C1orf141: variants seen among roughly 807,000 people sequenced by gnomAD.
C1orf141 encodes the protein uncharacterized protein C1orf141.
Under a neutral mutation model 23.2 loss-of-function variants are expected in C1orf141, and 19 were observed. The ratio of observed to expected loss-of-function variants is 0.82; its 90% CI spans 0.57 to 1.20. The LOEUF is 1.20. Among genes scored for constraint, C1orf141 ranks in the 50% most tolerant of loss-of-function variants. The pLI is 0.00. For synonymous variants in C1orf141, 153 were observed against 154.6 expected (o/e 0.99, Z 0.08); for missense variants, 469 against 455.1 (o/e 1.03, Z -0.28).
chr1:67,116,870 T>C (rs550935154), intron 4 of C1orf141, among the ~76,000 whole-genome samples: 1 of 152,228 alleles, frequency 6.6e-6, no homozygotes. Context: ...GAAAGAACTT[T>C]CCAGCCCACC....
At chr1:67,111,564 A>G in intron 5 of C1orf141, 1 of 1,151,324 alleles carries the variant, frequency 8.7e-7, no homozygotes, top group Non-Finnish European at 1.2e-6. Context: ...CTGAGTATAC[A>G]AATTACACCT....
upstream of C1orf141, among the ~76,000 whole-genome samples, chr1:67,138,025 A>T (rs556638002): frequency 8.5e-5 from 13 of 152,264 alleles, no homozygotes; most frequent in East Asian, 2.5e-3. Flanking sequence ...CTTCCTTAGG[A>T]AAAGCTGCCT....
At chr1:67,124,800 A>G (rs1175705105) in intron 4 of C1orf141, among the ~76,000 whole-genome samples, 1 of 152,204 alleles carries the variant, frequency 6.6e-6, no homozygotes, top group Non-Finnish European at 1.5e-5. Flanking sequence ...ATTCAATAGG[A>G]TGACTGTGAG....
intron 4 of C1orf141, 82 bp downstream of exon 4, chr1:67,125,670 C>T: frequency 1.5e-6 from 2 of 1,329,336 alleles, no homozygotes; most frequent in Non-Finnish European, 2.2e-6. Context: ...CTGCACTCTA[C>T]CCTAGGCAAT....
chr1:67,131,585 G>A (rs1412705498), intron 1 of C1orf141, among the ~76,000 whole-genome samples: 2 of 152,014 alleles, frequency 1.3e-5, no homozygotes, highest in African/African-American at 2.4e-5. Context: ...TCCAGGATCT[G>A]GCTCAGCCCA....
chr1:67,105,408 T>G (rs1645902673), intron 5 of C1orf141, among the ~76,000 whole-genome samples: 1 of 151,856 alleles, frequency 6.6e-6, no homozygotes, highest in Admixed American at 6.6e-5. Context: ...AACATCATCA[T>G]TAATGGTAAT....
chr1:67,138,199 C>T (rs1646602483), upstream of C1orf141, among the ~76,000 whole-genome samples: 1 of 152,196 alleles, frequency 6.6e-6, no homozygotes, highest in Non-Finnish European at 1.5e-5. Flanking sequence ...CAGATTAAAG[C>T]TATCTTTACT....
At position 67,125,843 on chromosome 1, in the gene C1orf141, A is replaced by G. The variant is rs761516127; in HGVS notation, c.142T>C (p.Leu48=). The stretch of plus-strand genomic sequence containing the variant: ...GTAGCAAGAGCTTCTTCAAATTCCA[A>G]CTGAAAATCAAATGTCAGGGGTATA... ...MAIPLTFDFQ[L]EFEEALATSA... is the part of the protein sequence containing the mutation. The change falls in exon 4 of 8, where the codon TTG becomes CTG. Residue 48 remains leucine, a synonymous_variant. Coordinates refer to ENST00000684719, the MANE Select transcript of C1orf141 (RefSeq NM_001276351.2). 2.5e-6 allele frequency: 4 copies of G among 1,613,692 alleles called. No homozygotes were observed. In the Admixed American group the frequency reaches 5.0e-5, roughly 20 times the overall value.
rs1053638916 is a variant in C1orf141 at position 67,121,874 on chromosome 1, T to C, written c.233+3878A>G. ...AGTTGAGGGAACAGGAGTAATCAAATTGCTGACCATACCCCTCTCCATTTC... is the reference window on the plus strand; with the variant it reads ...AGTTGAGGGAACAGGAGTAATCAAACTGCTGACCATACCCCTCTCCATTTC... On this transcript the variant is annotated intron_variant, in intron 4 of 7. Transcript: ENST00000684719. The C allele has an allele frequency of 2.0e-5, 3 of 152,200 alleles. No homozygotes were observed. In the East Asian group the frequency reaches 5.8e-4, roughly 29 times the overall value. The allele number at this position is 152,200 out of a possible 1,614,324, so 9.4% of individuals were successfully genotyped here.
chr1:67,104,631 C>T (rs1041396537), intron 5 of C1orf141, among the ~76,000 whole-genome samples: 2 of 152,086 alleles, frequency 1.3e-5, no homozygotes, highest in African/African-American at 4.8e-5. Context: ...TTGTTTTAAG[C>T]TTTCATGGAA....
chr1:67,096,388 C>T (rs185478703), intron 5 of C1orf141, 67 bp from the exon 6 acceptor site: 2 of 800,768 alleles, frequency 2.5e-6, no homozygotes, highest in Admixed American at 5.6e-5. Flanking sequence ...ATATCTTGCA[C>T]AAAATATTTT....
At chr1:67,138,718 A>G (rs1646606495), upstream of C1orf141, among the ~76,000 whole-genome samples, 1 of 152,174 alleles carries the variant, frequency 6.6e-6, no homozygotes. Flanking sequence ...CTACCTTGTA[A>G]CTTAATGGGA....
rs776667665 is a variant in C1orf141 at position 67,096,211 on chromosome 1, A to G, written c.416+41T>C. 19 of 967,096 alleles carry G rather than the reference A, an allele frequency of 2.0e-5. No individual in the cohort carries two copies. The South Asian group carries it at 2.8e-4, about 14-fold the overall frequency. The allele number at this position is 967,096 out of a possible 1,614,324, so 59.9% of individuals were successfully genotyped here. A position where few individuals can be genotyped will look rare whatever the true frequency, so the allele number is the denominator to read the frequency against. ...TAAAATGTGTCCTACTAGAAACATC[A>G]TTAAACAGAACAAAGTATTAAGCAT... On this transcript the variant is annotated intron_variant, in intron 6 of 7. Coordinates refer to ENST00000684719, the MANE Select transcript of C1orf141 (RefSeq NM_001276351.2).
chr1:67,101,411 A>G (rs181164500), intron 5 of C1orf141, among the ~76,000 whole-genome samples: 84 of 149,672 alleles, frequency 5.6e-4, no homozygotes, highest in African/African-American at 1.9e-3. Flanking sequence ...CTGACCTATC[A>G]TTGGTAACAA....
At chr1:67,133,038 A>G (rs1038076055) in intron 1 of C1orf141, among the ~76,000 whole-genome samples, 1 of 152,256 alleles carries the variant, frequency 6.6e-6, no homozygotes, top group Non-Finnish European at 1.5e-5. Context: ...GGTCAATATT[A>G]TTAGCATATC....
At chr1:67,116,230 C>A (rs1304869341) in intron 4 of C1orf141, among the ~76,000 whole-genome samples, 1 of 152,186 alleles carries the variant, frequency 6.6e-6, no homozygotes, top group East Asian at 1.9e-4. Context: ...TCTCCTCACC[C>A]AGGTTTCCCC....
At chr1:67,136,948 A>G (rs1406033787), upstream of C1orf141, among the ~76,000 whole-genome samples, 1 of 152,224 alleles carries the variant, frequency 6.6e-6, no homozygotes, top group Non-Finnish European at 1.5e-5. Context: ...GAATGAGTTC[A>G]TGAACCTATT....
chr1:67,101,449 A>T (rs1196325029), intron 5 of C1orf141, among the ~76,000 whole-genome samples: 2 of 135,284 alleles, frequency 1.5e-5, no homozygotes, highest in East Asian at 2.2e-4. Context: ...TGAATGTAAG[A>T]GTGTGTGTGT....
chr1:67,104,897 T>C (rs1645885936), intron 5 of C1orf141, among the ~76,000 whole-genome samples: 1 of 152,172 alleles, frequency 6.6e-6, no homozygotes, highest in African/African-American at 2.4e-5. Flanking sequence ...TTATAACTCA[T>C]TACCCATAGG....
Sources: allele counts gnomAD v4.1 joint callset (sites outside exome capture counted in the v4.1 genomes callset), GRCh38; gene constraint gnomAD v4.1.1; transcripts MANE v1.5; gene names NCBI Gene and HGNC (gene_info 2026-07-23, HGNC 2026-07-21).